The following USP34 variants were observed in gnomAD, a reference collection of about 807,000 sequenced individuals.
The protein encoded by USP34 is ubiquitin carboxyl-terminal hydrolase 34.
Under a neutral mutation model 460.3 loss-of-function variants are expected in USP34, and 70 were observed. The observed-to-expected ratio is 0.15, with a 90% CI of 0.13 to 0.19. The LOEUF (loss-of-function observed/expected upper bound fraction) is 0.19. USP34 is among the 10% of genes least tolerant of loss of function. The probability of loss-of-function intolerance (pLI) is 1.00; values close to 1 mark genes in which losing one functional copy is unlikely to be tolerated. For missense variants in USP34, 3,985 were observed against 4,236.2 expected (o/e 0.94, Z 1.65); for synonymous variants, 1,647 against 1,405.3 (o/e 1.17, Z -3.85).
intron 75 of USP34, among the ~76,000 whole-genome samples, chr2:61,201,539 CTAATATAGAGAA>C (rs1686978675): frequency 6.6e-6 from 1 of 152,108 alleles, no homozygotes; most frequent in African/African-American, 2.4e-5. Flanking sequence ...TAAAATAGTG[CTAATATAGAGAA>C]CTAAACCCTA....
At chr2:61,211,685 A>G (rs1019911411) in intron 69 of USP34, 87 bp downstream of exon 69, 61 of 1,339,738 alleles carry the variant, frequency 4.6e-5, no homozygotes, top group East Asian at 2.6e-4. Context: ...ATGCTTCCCC[A>G]ATGTAAATGA....
intron 53 of USP34, among the ~76,000 whole-genome samples, chr2:61,237,103 G>T (rs536026776): frequency 1.3e-5 from 2 of 152,174 alleles, no homozygotes; most frequent in East Asian, 3.9e-4. Flanking sequence ...CACTAATTTA[G>T]AACTTAATAG....
chr2:61,394,842 A>C lies in USP34; in HGVS notation c.753+11T>G, dbSNP rs1183010829. On this transcript the variant is annotated intron_variant, in intron 5 of 79. Transcript: ENST00000398571. The stretch of plus-strand genomic sequence containing the variant: ...CTCCCAAAATTAAGATCAATTCAAA[A>C]CAATACTTACATTAGACACAACTGT... The C allele has an allele frequency of 6.5e-7, 1 of 1,530,746 alleles. No homozygotes were observed. Among genetic ancestry groups the C allele is most frequent in the Non-Finnish European group, 8.7e-7 (1 of 1,144,714 alleles). The allele number at this position is 1,530,746 out of a possible 1,614,324, so 94.8% of individuals were successfully genotyped here.
rs745731950 is a variant in USP34 at position 61,188,130 on chromosome 2, G to A, written c.10613C>T (p.Ser3538Phe). 11 of 1,613,568 alleles carry A rather than the reference G, an allele frequency of 6.8e-6. No homozygotes were observed. The highest frequency in any genetic ancestry group is 9.3e-6 in the Non-Finnish European group (11 of 1,179,730). ...ESTIHVVTRI[S>F]GKGNQAAS ...AGAAGCAGCTTGGTTTCCTTTGCCA[G>A]ATATCCTTGTGACGACATGGATTGT... The change falls in exon 80 of 80, where the codon TCT (serine) becomes TTT (phenylalanine). Residue 3538 changes from serine to phenylalanine, a missense_variant. Physicochemically the swap from Ser to Phe is radical, Grantham distance 155. Coordinates refer to ENST00000398571, the MANE Select transcript of USP34 (RefSeq NM_014709.4).
Position 61,415,553 on chromosome 2 carries a change from T to C in USP34, c.131+5193A>G, listed in dbSNP as rs377448012. Among the ~76,000 whole-genome samples the C allele has an allele frequency of 7.9e-5, 12 of 152,286 alleles. No homozygotes were observed. In the East Asian group the frequency reaches 1.4e-3, roughly 17 times the overall value. ...GTTCATAGGTTACACCTAAAATTGATAGATGAAGCAACAGCAATATAAGAA... is the reference window on the plus strand; with the variant it reads ...GTTCATAGGTTACACCTAAAATTGACAGATGAAGCAACAGCAATATAAGAA... On this transcript the variant is annotated intron_variant, in intron 2 of 79. Transcript: ENST00000398571.
At chr2:61,231,055 T>C (rs1180886191) in intron 58 of USP34, among the ~76,000 whole-genome samples, 1 of 152,088 alleles carries the variant, frequency 6.6e-6, no homozygotes, top group African/African-American at 2.4e-5. Flanking sequence ...GACAAACTAT[T>C]TGGCAAAAAA....
intron 51 of USP34, among the ~76,000 whole-genome samples, chr2:61,244,777 ATTT>A (rs938228668): frequency 2.0e-5 from 3 of 152,072 alleles, no homozygotes; most frequent in Non-Finnish European, 4.4e-5. Flanking sequence ...CTTGCCAAAC[ATTT>A]TTTTAATTTC....
intron 44 of USP34, among the ~76,000 whole-genome samples, chr2:61,259,259 A>T (rs80021043): frequency 0.061 from 9,273 of 152,098 alleles, 534 homozygotes; most frequent in South Asian, 0.25. Context: ...ACTCTGTCTC[A>T]AAATAAATAA....
chr2:61,325,796 T>C (rs557767713), intron 20 of USP34, among the ~76,000 whole-genome samples: 41 of 152,218 alleles, frequency 2.7e-4, no homozygotes, highest in African/African-American at 9.9e-4. Context: ...AAAAACACCA[T>C]CTCTATCTAA....
At position 61,457,287 on chromosome 2, in the gene USP34, C is replaced by T. The variant is rs145022485; in HGVS notation, c.43+13363G>A. Among the ~76,000 whole-genome samples, 99 of 152,232 alleles carry T rather than the reference C, an allele frequency of 6.5e-4. 1 individual carries two copies. The East Asian group carries it at 0.018, about 28-fold the overall frequency. ...CAAGACCTGTCAAATAAATAAGGTG[C>T]AGTAGCCATTTCTGTTACCATAGGA... On this transcript the variant is annotated intron_variant, in intron 1 of 79. Transcript: ENST00000398571.
intron 32 of USP34, among the ~76,000 whole-genome samples, chr2:61,294,000 G>A (rs960394810): frequency 2.0e-5 from 3 of 151,886 alleles, no homozygotes; most frequent in Non-Finnish European, 2.9e-5. Context: ...GGGTGACAAG[G>A]TGAGACCCTG....
rs1688068039 is a variant in USP34 at position 61,236,344 on chromosome 2, A to T, written c.6823T>A (p.Phe2275Ile). Residue 2275 changes from phenylalanine (F) to isoleucine (I), a missense_variant, in exon 54 of 80, where the codon TTT becomes ATT. Transcript: ENST00000398571. ...NMQFLQDKNI[F>I]EHTYFGFMWQ... ...ACTTACCCAAAATATGTATGTTCAA[A>T]AATGTTTTTGTCTTGAAGAAACTGC... is the stretch of plus-strand genomic sequence containing the variant. The T allele has an allele frequency of 6.2e-7, 1 of 1,604,966 alleles. No individual in the cohort carries two copies. Among genetic ancestry groups the T allele is most frequent in the Non-Finnish European group, 8.5e-7 (1 of 1,176,734 alleles).
At chr2:61,343,777 G>T in intron 16 of USP34, 38 bp downstream of exon 16, 1 of 1,572,796 alleles carries the variant, frequency 6.4e-7, no homozygotes, top group Non-Finnish European at 8.7e-7. Flanking sequence ...TTCCTGTTGT[G>T]AAGAAGGTAA....
chr2:61,347,887 A>ATGGTGG lies in USP34; in HGVS notation c.2262_2267dup (p.His759_His760dup), dbSNP rs754455063. 1.4e-5 allele frequency: 22 copies of ATGGTGG among 1,612,024 alleles called. No individual in the cohort carries two copies. The African/African-American group carries it at 2.3e-4, about 17-fold the overall frequency. On this transcript the variant is annotated inframe_insertion, in exon 15 of 80. Transcript: ENST00000398571. ...AGGCTTACCCATCGTGGTGGTGGTG[A>ATGGTGG]TGGTGGTGGTGGTGGTGGTGATGCT...
chr2:61,299,847 C>T (rs966410739), intron 29 of USP34, among the ~76,000 whole-genome samples: 4 of 152,314 alleles, frequency 2.6e-5, no homozygotes, highest in African/African-American at 9.6e-5. Flanking sequence ...GAGCTCCATA[C>T]TTATATATCC....
At chr2:61,266,300 C>G (rs1426662546) in intron 41 of USP34, 133 bp from the exon 42 acceptor site, 3 of 793,480 alleles carry the variant, frequency 3.8e-6, no homozygotes, top group Non-Finnish European at 5.7e-6. Flanking sequence ...ATACCATCAT[C>G]TGAAAGTCCT....
Position 61,411,354 on chromosome 2 carries a change from C to T in USP34, c.132-5226G>A, listed in dbSNP as rs1054317292. 3.6e-4 allele frequency among the ~76,000 whole-genome samples: 54 copies of T among 150,614 alleles called. 1 individual carries two copies. The highest frequency in any genetic ancestry group is 1.1e-3 in the African/African-American group (47 of 40,928). Reference sequence around the variant, plus strand: ...CTAGACTATGCCACTGTACTCCAGCCCAGGTGACAGATCAAGATCCTGTCT... The same window carrying T: ...CTAGACTATGCCACTGTACTCCAGCTCAGGTGACAGATCAAGATCCTGTCT... On this transcript the variant is annotated intron_variant, in intron 2 of 79. Coordinates refer to ENST00000398571, the MANE Select transcript of USP34 (RefSeq NM_014709.4).
intron 1 of USP34, among the ~76,000 whole-genome samples, chr2:61,464,537 G>GT (rs898911011): frequency 6.6e-6 from 1 of 151,830 alleles, no homozygotes; most frequent in Non-Finnish European, 1.5e-5. Context: ...GGACAACTTG[G>GT]TAAACTATAA....
chr2:61,398,577 G>GT (rs1189159792), intron 3 of USP34, among the ~76,000 whole-genome samples: 1 of 15,458 alleles, frequency 6.5e-5, no homozygotes, highest in Admixed American at 3.7e-4. Context: ...AGAGGGGAAA[G>GT]TCGGGGGAGG....
Sources: allele counts gnomAD v4.1 joint callset (sites outside exome capture counted in the v4.1 genomes callset), GRCh38; gene constraint gnomAD v4.1.1; transcripts MANE v1.5; gene names NCBI Gene and HGNC (gene_info 2026-07-23, HGNC 2026-07-21).